CPQ: variants seen among roughly 807,000 people sequenced by gnomAD.
CPQ encodes the protein Ser-Met dipeptidase.
CPQ carries 37 observed loss-of-function variants against 45.7 expected under a neutral mutation model. The observed-to-expected ratio is 0.81, with a 90% confidence interval of 0.62 to 1.07. The LOEUF is 1.07. Ranked by LOEUF, CPQ falls within the 50% of genes least tolerant of loss-of-function variation. CPQ has a pLI of 0.00. For missense variants in CPQ, 537 were observed against 572.9 expected (o/e 0.94, Z 0.64); for synonymous variants, 186 against 205.8 (o/e 0.90, Z 0.82).
intron 1 of CPQ, among the ~76,000 whole-genome samples, chr8:96,681,908 G>A (rs1809157740): frequency 6.6e-6 from 1 of 152,154 alleles, no homozygotes; most frequent in South Asian, 2.1e-4. Context: ...CATGGGGCCT[G>A]CAGCTTCTTT....
At chr8:97,089,141 GC>G (rs1313058269) in intron 7 of CPQ, among the ~76,000 whole-genome samples, 1 of 151,432 alleles carries the variant, frequency 6.6e-6, no homozygotes, top group Non-Finnish European at 1.5e-5. Context: ...TACTCAGGAG[GC>G]TGAGACAAGA....
intron 4 of CPQ, among the ~76,000 whole-genome samples, chr8:96,884,444 T>C (rs1455049476): frequency 6.6e-6 from 1 of 152,160 alleles, no homozygotes; most frequent in Non-Finnish European, 1.5e-5. Flanking sequence ...TTCAGGTCCC[T>C]CTCTCCTGTT....
At chr8:96,806,164 A>G (rs992508913) in intron 2 of CPQ, among the ~76,000 whole-genome samples, 1 of 152,182 alleles carries the variant, frequency 6.6e-6, no homozygotes, top group South Asian at 2.1e-4. Flanking sequence ...TTGGTGGGCA[A>G]TATAGGTTTG....
At chr8:97,006,532 A>G (rs979243056) in intron 5 of CPQ, among the ~76,000 whole-genome samples, 1 of 152,218 alleles carries the variant, frequency 6.6e-6, no homozygotes, top group South Asian at 2.1e-4. Context: ...TTTGACCTAT[A>G]TGAAAAATTC....
At chr8:96,984,770 A>G (rs1813979325) in intron 5 of CPQ, among the ~76,000 whole-genome samples, 1 of 152,220 alleles carries the variant, frequency 6.6e-6, no homozygotes, top group Non-Finnish European at 1.5e-5. Flanking sequence ...ACTGGGGATC[A>G]TAATAGTATC....
intron 4 of CPQ, among the ~76,000 whole-genome samples, chr8:96,920,813 A>G (rs1586452185): frequency 6.6e-6 from 1 of 152,194 alleles, no homozygotes; most frequent in East Asian, 1.9e-4. Flanking sequence ...TGCAAGCCAC[A>G]GAAAGAGACC....
intron 4 of CPQ, among the ~76,000 whole-genome samples, chr8:96,937,213 T>G (rs1813064714): frequency 2.0e-5 from 3 of 152,094 alleles, no homozygotes; most frequent in African/African-American, 7.2e-5. Flanking sequence ...CTTTGGGTCA[T>G]TTAAGGAGAG....
chr8:96,976,870 A>G (rs1212434493), intron 5 of CPQ, among the ~76,000 whole-genome samples: 1 of 152,176 alleles, frequency 6.6e-6, no homozygotes, highest in Admixed American at 6.5e-5. Context: ...AAAAACTTAA[A>G]TCTAAGACCT....
intron 1 of CPQ, among the ~76,000 whole-genome samples, chr8:96,748,471 T>C (rs953098451): frequency 2.0e-5 from 3 of 152,156 alleles, no homozygotes; most frequent in African/African-American, 7.2e-5. Context: ...AATAGCTTTA[T>C]AGTTAACTTC....
At chr8:96,990,221 C>T (rs547796079) in intron 5 of CPQ, among the ~76,000 whole-genome samples, 3 of 152,208 alleles carry the variant, frequency 2.0e-5, no homozygotes, top group African/African-American at 7.2e-5. Context: ...GATGTCTCCT[C>T]TCCCTAGACC....
rs201675587 is a variant in CPQ, at chr8:96,738,729, T to C, written c.-34-46135T>C. On this transcript the variant is annotated intron_variant, in intron 1 of 7. Coordinates refer to ENST00000220763, the MANE Select transcript of CPQ (RefSeq NM_016134.4). The stretch of plus-strand genomic sequence containing the variant: ...TGCAGTGTTTGGTTTTTTGTTCTTG[T>C]GATAGTTTACTGAGAATGATGATTT... Among the ~76,000 whole-genome samples, 718 of 152,268 alleles carry C rather than the reference T, an allele frequency of 4.7e-3. 10 individuals carry two copies. The highest frequency in any genetic ancestry group is 0.012 in the African/African-American group (504 of 41,540).
At chr8:97,110,686 T>C (rs889539600) in intron 7 of CPQ, among the ~76,000 whole-genome samples, 1 of 152,180 alleles carries the variant, frequency 6.6e-6, no homozygotes, top group Non-Finnish European at 1.5e-5. Context: ...TCTTAGAGCA[T>C]CTTATCTCAT....
intron 4 of CPQ, among the ~76,000 whole-genome samples, chr8:96,883,369 G>A (rs994815076): frequency 3.9e-5 from 6 of 152,006 alleles, no homozygotes; most frequent in Non-Finnish European, 7.4e-5. Context: ...GTATTTTGTC[G>A]GGGTAGCACC....
At chr8:96,849,703 T>C (rs916097895) in intron 3 of CPQ, among the ~76,000 whole-genome samples, 1 of 152,200 alleles carries the variant, frequency 6.6e-6, no homozygotes, top group Non-Finnish European at 1.5e-5. Context: ...CATCCCCAGA[T>C]GTTAGCTGAT....
chr8:96,741,717 T>C (rs559866332), intron 1 of CPQ, among the ~76,000 whole-genome samples: 182 of 152,282 alleles, frequency 1.2e-3, no homozygotes, highest in African/African-American at 3.9e-3. Flanking sequence ...TATTTCTGCC[T>C]TCATTTCGTT....
rs1162143081 is a variant in CPQ at position 97,123,143 on chromosome 8, TAAA to T, written c.1256-19875_1256-19873del. On this transcript the variant is annotated intron_variant, in intron 7 of 7. Coordinates refer to ENST00000220763, the MANE Select transcript of CPQ (RefSeq NM_016134.4). ...ATAAAATAAATAAAATAAAATAAAA[TAAA>T]ATAAATAAAATAAAATAAAATAAAA... Among the ~76,000 whole-genome samples the T allele has an allele frequency of 7.1e-5, 3 of 41,964 alleles. 1 individual carries two copies. Among genetic ancestry groups the T allele is most frequent in the African/African-American group, 3.7e-4 (3 of 8,154 alleles). 27.5% of individuals were successfully genotyped at this position (41,964 alleles called of 152,430 possible).
chr8:96,968,029 C>T lies in CPQ; in HGVS notation c.961+1983C>T, dbSNP rs557080816. Among the ~76,000 whole-genome samples the T allele has an allele frequency of 2.6e-5, 4 of 151,756 alleles. No homozygotes were observed. In the South Asian group the frequency reaches 8.3e-4, roughly 31 times the overall value. On this transcript the variant is annotated intron_variant, in intron 5 of 7. Transcript: ENST00000220763. ...CTTAATAAGCATGATTCTGACAGTA[C>T]CATTTTTTTAATATAAGAGAAGATG... is the stretch of plus-strand genomic sequence containing the variant.
At chr8:96,953,528 A>G (rs1813303584) in intron 4 of CPQ, among the ~76,000 whole-genome samples, 1 of 152,120 alleles carries the variant, frequency 6.6e-6, no homozygotes, top group Non-Finnish European at 1.5e-5. Flanking sequence ...CTGCTCTTCA[A>G]GCAGTGCATT....
At chr8:96,939,530 CAA>C (rs1813098354) in intron 4 of CPQ, among the ~76,000 whole-genome samples, 1 of 152,132 alleles carries the variant, frequency 6.6e-6, no homozygotes, top group African/African-American at 2.4e-5. Flanking sequence ...TATGTTGAAA[CAA>C]TATATTATAT....
Sources: allele counts gnomAD v4.1 joint callset (sites outside exome capture counted in the v4.1 genomes callset), GRCh38; gene constraint gnomAD v4.1.1; transcripts MANE v1.5; gene names NCBI Gene and HGNC (gene_info 2026-07-23, HGNC 2026-07-21).